The following DLG2 variants were observed in gnomAD, a reference collection of about 807,000 sequenced individuals.
The protein encoded by DLG2 is disks large homolog 2.
A neutral mutation model predicts 132.5 loss-of-function variants in DLG2; 45 were observed. That is an observed-to-expected ratio of 0.34 (90% CI 0.27 to 0.44). The LOEUF (loss-of-function observed/expected upper bound fraction) is 0.44, where lower values mean the gene tolerates loss of function less well. Ranked by LOEUF, DLG2 falls within the 20% of genes least tolerant of loss-of-function variation. The probability of loss-of-function intolerance (pLI) is 1.00; values close to 1 mark genes in which losing one functional copy is unlikely to be tolerated. For synonymous variants in DLG2, 424 were observed against 419.6 expected (o/e 1.01, Z -0.13); for missense variants, 1,045 against 1,196.9 (o/e 0.87, Z 1.87).
At chr11:84,738,774 T>C (rs1182885167) in intron 6 of DLG2, among the ~76,000 whole-genome samples, 2 of 152,184 alleles carry the variant, frequency 1.3e-5, no homozygotes, top group Non-Finnish European at 2.9e-5. Context: ...ATTGCATTTC[T>C]AGGTATTCAA....
intron 8 of DLG2, among the ~76,000 whole-genome samples, chr11:84,201,270 C>T (rs1326034424): frequency 4.6e-5 from 7 of 152,096 alleles, no homozygotes; most frequent in African/African-American, 1.7e-4. Context: ...TATGTTGAAC[C>T]AATCTTTTAC....
At position 84,166,814 on chromosome 11, in the gene DLG2, T is replaced by C. The variant is rs1476897962; in HGVS notation, c.574-3303A>G. On this transcript the variant is annotated intron_variant, in intron 8 of 27. Transcript: ENST00000376104. ...TGGGTGGTTTGCAAACAATCCATTG[T>C]TGTTTGAACTTGCCTTGGTGTCTCA... is the stretch of plus-strand genomic sequence containing the variant. 3 of 446,590 alleles carry C rather than the reference T, an allele frequency of 6.7e-6. 1 individual carries two copies. Among genetic ancestry groups the C allele is most frequent in the Non-Finnish European group, 1.4e-5 (3 of 218,156 alleles). The allele number at this position is 446,590 out of a possible 1,614,324, so 27.7% of individuals were successfully genotyped here.
chr11:85,408,503 G>C (rs575039281), intron 3 of DLG2, among the ~76,000 whole-genome samples: 21 of 149,662 alleles, frequency 1.4e-4, no homozygotes, highest in African/African-American at 4.9e-4. Context: ...CCACTAACTC[G>C]TCATCTAGCA....
chr11:83,786,642 T>G (rs750928754), intron 18 of DLG2, 48 bp downstream of exon 18: 2 of 1,498,362 alleles, frequency 1.3e-6, no homozygotes, highest in South Asian at 2.3e-5. Flanking sequence ...AGGGTACAGA[T>G]CCACACAGAG....
intron 6 of DLG2, among the ~76,000 whole-genome samples, chr11:84,748,846 G>A (rs1188670549): frequency 6.6e-6 from 1 of 152,128 alleles, no homozygotes; most frequent in Non-Finnish European, 1.5e-5. Context: ...AGGGAAGCTA[G>A]AACAAATTTA....
intron 4 of DLG2, among the ~76,000 whole-genome samples, chr11:85,214,286 C>G (rs1435432409): frequency 6.6e-6 from 1 of 152,120 alleles, no homozygotes; most frequent in East Asian, 1.9e-4. Flanking sequence ...TTTTTACTTC[C>G]TCCAGTGTCA....
At chr11:85,496,311 C>A (rs286528) in intron 3 of DLG2, among the ~76,000 whole-genome samples, 1 of 152,146 alleles carries the variant, frequency 6.6e-6, no homozygotes. Flanking sequence ...GTGCAGCAGT[C>A]TGAGATTGAC....
rs545469065 is a variant in DLG2, at chr11:84,339,608, C to A, written c.520-88317G>T. 9.9e-5 allele frequency among the ~76,000 whole-genome samples: 15 copies of A among 152,242 alleles called. No homozygotes were observed. The South Asian group carries it at 1.9e-3, about 19-fold the overall frequency. ...CCTCCCTTTGATGCAATGATATACA[C>A]TTTTTCCAATTTAAGAAGGAGTCTG... is the stretch of plus-strand genomic sequence containing the variant. On this transcript the variant is annotated intron_variant, in intron 7 of 27. Coordinates refer to ENST00000376104, the MANE Select transcript of DLG2 (RefSeq NM_001142699.3).
At chr11:83,589,173 C>T (rs2097144437) in intron 19 of DLG2, among the ~76,000 whole-genome samples, 1 of 151,198 alleles carries the variant, frequency 6.6e-6, no homozygotes, top group Admixed American at 6.6e-5. Context: ...AGAGCAACTC[C>T]AAGACACATA....
intron 9 of DLG2, among the ~76,000 whole-genome samples, chr11:84,140,205 T>C (rs2094782185): frequency 6.6e-6 from 1 of 152,126 alleles, no homozygotes; most frequent in African/African-American, 2.4e-5. Context: ...ATGTATTGAG[T>C]GACCCTTGGG....
chr11:85,415,779 A>T (rs1198377206), intron 3 of DLG2, among the ~76,000 whole-genome samples: 1 of 152,032 alleles, frequency 6.6e-6, no homozygotes, highest in African/African-American at 2.4e-5. Flanking sequence ...AGACTGCAAA[A>T]ATTTTCTCCC....
chr11:85,627,763 G>A (rs1305092974), upstream of DLG2: 1 of 152,240 alleles, frequency 6.6e-6, no homozygotes, highest in Admixed American at 6.5e-5. Flanking sequence ...TTCTTTTAGG[G>A]AAGAGCACTG....
chr11:85,138,357 G>A (rs970904507), intron 5 of DLG2, among the ~76,000 whole-genome samples: 3 of 152,092 alleles, frequency 2.0e-5, no homozygotes, highest in Admixed American at 6.6e-5. Flanking sequence ...CATTTCTTAT[G>A]AGGCTCAATT....
At chr11:83,810,217 C>CA (rs1481609091) in intron 17 of DLG2, among the ~76,000 whole-genome samples, 10 of 151,832 alleles carry the variant, frequency 6.6e-5, no homozygotes, top group Non-Finnish European at 1.0e-4. Context: ...GATTTTCAAC[C>CA]AAAAAAACTT....
intron 6 of DLG2, among the ~76,000 whole-genome samples, chr11:84,880,447 G>A (rs1264728984): frequency 6.6e-6 from 1 of 152,054 alleles, no homozygotes; most frequent in African/African-American, 2.4e-5. Flanking sequence ...GTTTAGAGCT[G>A]GAACAGCCTG....
chr11:84,640,952 C>CAAAAAAAAAAAA (rs34851864), intron 6 of DLG2, among the ~76,000 whole-genome samples: 5 of 85,378 alleles, frequency 5.9e-5, no homozygotes, highest in Non-Finnish European at 1.1e-4. Flanking sequence ...AACAAACAAA[C>CAAAAAAAAAAAA]AAAAAAAAAA....
intron 9 of DLG2, among the ~76,000 whole-genome samples, chr11:84,102,203 C>T (rs1472397129): frequency 6.6e-6 from 1 of 152,122 alleles, no homozygotes; most frequent in African/African-American, 2.4e-5. Flanking sequence ...TTTATGCTTA[C>T]TTACATTATG....
intron 6 of DLG2, among the ~76,000 whole-genome samples, chr11:84,927,599 T>C (rs563032678): frequency 6.6e-6 from 1 of 152,148 alleles, no homozygotes; most frequent in Admixed American, 6.6e-5. Context: ...CATTTTAATG[T>C]TGTAGAGAGA....
chr11:84,650,449 T>C (rs1172711201), intron 6 of DLG2, among the ~76,000 whole-genome samples: 1 of 152,164 alleles, frequency 6.6e-6, no homozygotes, highest in African/African-American at 2.4e-5. Context: ...AATTACTGAA[T>C]TGAGATCATT....
Sources: allele counts gnomAD v4.1 joint callset (sites outside exome capture counted in the v4.1 genomes callset), GRCh38; gene constraint gnomAD v4.1.1; transcripts MANE v1.5; gene names NCBI Gene and HGNC (gene_info 2026-07-23, HGNC 2026-07-21).